LUZP2: variants seen among roughly 807,000 people sequenced by gnomAD.
The protein encoded by LUZP2 is leucine zipper protein 2.
In LUZP2, 52 loss-of-function variants were observed where a neutral mutation model predicts 51.6. The ratio of observed to expected loss-of-function variants is 1.01; its 90% CI spans 0.81 to 1.27. The LOEUF (loss-of-function observed/expected upper bound fraction) is 1.27, where lower values mean the gene tolerates loss of function less well. LUZP2 is among the 50% of genes most tolerant of loss of function. LUZP2 has a pLI of 0.00. For synonymous variants in LUZP2, 154 were observed against 137.3 expected (o/e 1.12, Z -0.85); for missense variants, 436 against 395.4 (o/e 1.10, Z -0.87).
At chr11:24,562,905 C>G (rs946841607) in intron 1 of LUZP2, among the ~76,000 whole-genome samples, 2 of 150,770 alleles carry the variant, frequency 1.3e-5, no homozygotes, top group African/African-American at 4.9e-5. Flanking sequence ...ATAACTGGGT[C>G]ATGAATGAGA....
chr11:25,007,214 G>A (rs1411195479), intron 9 of LUZP2, among the ~76,000 whole-genome samples: 1 of 152,144 alleles, frequency 6.6e-6, no homozygotes, highest in Non-Finnish European at 1.5e-5. Context: ...CGACCCAGAA[G>A]CCCAGCCGGG....
intron 5 of LUZP2, among the ~76,000 whole-genome samples, chr11:24,822,702 T>C (rs956450203): frequency 6.6e-6 from 1 of 152,206 alleles, no homozygotes; most frequent in Admixed American, 6.5e-5. Flanking sequence ...AGTGTTTGGA[T>C]TTCCATCTAG....
intron 1 of LUZP2, among the ~76,000 whole-genome samples, chr11:24,632,868 A>G (rs1372660617): frequency 6.6e-6 from 1 of 151,998 alleles, no homozygotes; most frequent in Non-Finnish European, 1.5e-5. Context: ...ATTAGTACTC[A>G]CCCAATCTTG....
chr11:24,960,690 A>G (rs1219209277), intron 7 of LUZP2, among the ~76,000 whole-genome samples: 1 of 152,146 alleles, frequency 6.6e-6, no homozygotes, highest in Non-Finnish European at 1.5e-5. Context: ...AGCCTTTCAA[A>G]AAACCAGCTC....
intron 1 of LUZP2, among the ~76,000 whole-genome samples, chr11:24,621,250 G>A (rs1214369198): frequency 6.6e-6 from 1 of 152,132 alleles, no homozygotes; most frequent in African/African-American, 2.4e-5. Flanking sequence ...TTAATTCCTT[G>A]TTGTTAGAAG....
chr11:24,633,939 C>CGT (rs67250902), intron 1 of LUZP2, among the ~76,000 whole-genome samples: 12,070 of 148,438 alleles, frequency 0.081, 815 homozygotes, highest in African/African-American at 0.19. Context: ...GTCTAACACA[C>CGT]GTGTGTGTGT....
At chr11:24,974,007 T>C (rs1209876089) in intron 7 of LUZP2, among the ~76,000 whole-genome samples, 3 of 152,112 alleles carry the variant, frequency 2.0e-5, no homozygotes, top group Admixed American at 6.6e-5. Context: ...TCTGTCTTGG[T>C]GATGTGTCTA....
intron 1 of LUZP2, among the ~76,000 whole-genome samples, chr11:24,589,015 C>T (rs567694235): frequency 7.9e-5 from 12 of 152,202 alleles, no homozygotes; most frequent in African/African-American, 2.2e-4. Context: ...CTAACCTGGA[C>T]GTCAATTATC....
At chr11:25,067,771 A>T (rs1364030301) in intron 10 of LUZP2, among the ~76,000 whole-genome samples, 1 of 152,022 alleles carries the variant, frequency 6.6e-6, no homozygotes, top group Non-Finnish European at 1.5e-5. Context: ...GAGATTCCTC[A>T]AGGATTTGAA....
chr11:24,541,066 A>C (rs913585761), intron 1 of LUZP2, among the ~76,000 whole-genome samples: 1 of 151,986 alleles, frequency 6.6e-6, no homozygotes, highest in Non-Finnish European at 1.5e-5. Context: ...CAGCCTGGCC[A>C]ATATGGTGAA....
At chr11:25,000,303 G>A (rs942299171) in intron 9 of LUZP2, among the ~76,000 whole-genome samples, 4 of 152,082 alleles carry the variant, frequency 2.6e-5, no homozygotes, top group African/African-American at 7.2e-5. Context: ...CCTCTAAACA[G>A]GACACCCCAA....
intron 5 of LUZP2, among the ~76,000 whole-genome samples, chr11:24,900,320 A>G (rs956906478): frequency 5.3e-5 from 8 of 152,044 alleles, no homozygotes. Flanking sequence ...TAAATATCTT[A>G]GTGGTTAAGT....
chr11:24,578,485 A>G (rs1456891686), intron 1 of LUZP2, among the ~76,000 whole-genome samples: 4 of 152,016 alleles, frequency 2.6e-5, no homozygotes, highest in Non-Finnish European at 4.4e-5. Flanking sequence ...ACATGCATGC[A>G]TATGTTTATT....
At chr11:24,965,808 C>A in intron 7 of LUZP2, among the ~76,000 whole-genome samples, 1 of 151,738 alleles carries the variant, frequency 6.6e-6, no homozygotes, top group African/African-American at 2.4e-5. Flanking sequence ...TTTGTCTACT[C>A]TGGTACATTG....
chr11:25,081,995 A>T lies in LUZP2; in HGVS notation c.*3337A>T, dbSNP rs7946603. The T allele has an allele frequency of 0.4, 60,963 of 151,968 alleles. 13,457 individuals carry two copies. The highest frequency in any genetic ancestry group is 0.88 in the East Asian group (4,540 of 5,174). The allele number at this position is 151,968 out of a possible 1,614,324, so 9.4% of individuals were successfully genotyped here. ...ATTTCTTTTGGCTTTGTGTTTTTTT[A>T]ATGTGCGTTAAATATGTAAACTGAA... On this transcript the variant is annotated 3_prime_UTR_variant, in exon 12 of 12. Coordinates refer to ENST00000336930, the MANE Select transcript of LUZP2 (RefSeq NM_001009909.4).
At chr11:24,623,825 C>T (rs529829151) in intron 1 of LUZP2, among the ~76,000 whole-genome samples, 255 of 152,056 alleles carry the variant, frequency 1.7e-3, no homozygotes, top group African/African-American at 5.9e-3. Context: ...CCAGCCTGGG[C>T]GACAGAGTGA....
chr11:25,016,128 G>C lies in LUZP2; in HGVS notation c.765+32835G>C, dbSNP rs1054171884. On this transcript the variant is annotated intron_variant, in intron 9 of 11. Coordinates refer to ENST00000336930, the MANE Select transcript of LUZP2 (RefSeq NM_001009909.4). ...GTAGAGACGGGGTTTCATGGTGTTA[G>C]CCAGGATGGTCTCGATCTCCTGACC... Among the ~76,000 whole-genome samples the C allele has an allele frequency of 2.0e-5, 3 of 152,004 alleles. No individual in the cohort carries two copies. In the South Asian group the frequency reaches 6.2e-4, roughly 32 times the overall value.
At chr11:24,983,035 G>A (rs1856083508) in intron 8 of LUZP2, 91 bp from the exon 9 acceptor site, 1 of 1,200,898 alleles carries the variant, frequency 8.3e-7, no homozygotes, top group African/African-American at 1.5e-5. Context: ...TATTTTTGTG[G>A]GGAGTATAGG....
In LUZP2 at chr11:25,053,187, A is replaced by G. The variant is rs528804385; in HGVS notation, c.858+3057A>G. The stretch of plus-strand genomic sequence containing the variant: ...TCTGTGATCAAATGAAGATGTAGGT[A>G]TAAAGATGAAGTGTAACATGAGCCC... On this transcript the variant is annotated intron_variant, in intron 10 of 11. Transcript: ENST00000336930. 5.3e-5 allele frequency among the ~76,000 whole-genome samples: 8 copies of G among 152,270 alleles called. No individual in the cohort carries two copies. In the South Asian group the frequency reaches 1.0e-3, roughly 20 times the overall value.
Sources: gnomAD v4.1 joint callset for allele counts (sites outside exome capture counted in the v4.1 genomes callset) on GRCh38, gnomAD v4.1.1 for gene constraint, MANE v1.5 for transcripts, NCBI Gene and HGNC (gene_info 2026-07-23, HGNC 2026-07-21) for gene names.